Variants in ERI3 observed in about 807,000 individuals in gnomAD.
The protein encoded by ERI3 is ERI1 exoribonuclease 3.
A neutral mutation model predicts 44.4 loss-of-function variants in ERI3; 18 were observed. The ratio of observed to expected loss-of-function variants is 0.41; its 90% CI spans 0.28 to 0.60. The LOEUF (loss-of-function observed/expected upper bound fraction) is 0.60. Among genes scored for constraint, ERI3 ranks in the 20% least tolerant of loss-of-function variants. The pLI, the probability that ERI3 is intolerant of heterozygous loss-of-function variation, is 0.36. For synonymous variants in ERI3, 183 were observed against 164.8 expected (o/e 1.11, Z -0.84); for missense variants, 294 against 435.5 (o/e 0.68, Z 2.89).
At chr1:44,312,903 G>A (rs950730613) in intron 5 of ERI3, among the ~76,000 whole-genome samples, 4 of 152,234 alleles carry the variant, frequency 2.6e-5, no homozygotes, top group Admixed American at 2.6e-4. Context: ...GCCAGCATAG[G>A]GCCATAGGCC....
At chr1:44,247,874 G>T in intron 8 of ERI3, 65 bp downstream of exon 8, 1 of 1,330,924 alleles carries the variant, frequency 7.5e-7, no homozygotes, top group Non-Finnish European at 1.1e-6. Flanking sequence ...ATGTGCCTGG[G>T]GACTGGGGCA....
At chr1:44,300,590 G>C (rs1557832008) in intron 6 of ERI3, among the ~76,000 whole-genome samples, 2 of 152,194 alleles carry the variant, frequency 1.3e-5, no homozygotes, top group African/African-American at 4.8e-5. Flanking sequence ...AGTGTGAAGG[G>C]AGCCAAGGTT....
chr1:44,292,368 G>T (rs1221107537), intron 6 of ERI3, among the ~76,000 whole-genome samples: 2 of 152,162 alleles, frequency 1.3e-5, no homozygotes, highest in African/African-American at 2.4e-5. Flanking sequence ...CAAGACCCCA[G>T]GCCAGACACA....
intron 8 of ERI3, among the ~76,000 whole-genome samples, chr1:44,232,140 G>A (rs1046393658): frequency 1.3e-5 from 2 of 152,124 alleles, no homozygotes; most frequent in Non-Finnish European, 2.9e-5. Context: ...TTAAAATTGG[G>A]GTTTATTTTT....
rs201922019 is a variant in ERI3, at chr1:44,352,894, G to A, written c.167C>T (p.Ser56Leu). The change falls in exon 2 of 9, where the codon TCA becomes TTA. Residue 56 changes from serine (S) to leucine (L), a missense_variant. Ser to Leu is a moderately radical substitution (Grantham distance 145, BLOSUM62 -2). Around this residue, in one of 2 missense-constraint regions of ERI3, gnomAD observed 107 missense variants for 96.9 expected, o/e 1.10. Transcript: ENST00000372257. ...GCCAAGACCGGCAGCTGGGGATGCTGAAGGTTCTGTGAGAGCTGGAAAGCC... is the reference window on the plus strand; with the variant it reads ...GCCAAGACCGGCAGCTGGGGATGCTAAAGGTTCTGTGAGAGCTGGAAAGCC... ...HWGFPALTEP[S>L]ASPAAGLGIF... 6.8e-6 allele frequency: 11 copies of A among 1,614,166 alleles called. No individual in the cohort carries two copies. Among genetic ancestry groups the A allele is most frequent in the Non-Finnish European group, 9.3e-6 (11 of 1,180,030 alleles).
chr1:44,326,996 C>T (rs2154329978), intron 3 of ERI3, among the ~76,000 whole-genome samples: 1 of 152,318 alleles, frequency 6.6e-6, no homozygotes, highest in Admixed American at 6.5e-5. Flanking sequence ...CTGTGTCTCC[C>T]TCTGTATGTA....
chr1:44,318,466 A>T (rs1557847518), intron 4 of ERI3, among the ~76,000 whole-genome samples: 1 of 152,226 alleles, frequency 6.6e-6, no homozygotes, highest in Non-Finnish European at 1.5e-5. Flanking sequence ...GAAAGGGGAA[A>T]CCCCGGCAGA....
intron 8 of ERI3, among the ~76,000 whole-genome samples, chr1:44,226,010 GA>G (rs1251094501): frequency 1.3e-5 from 2 of 152,132 alleles, no homozygotes; most frequent in African/African-American, 4.8e-5. Flanking sequence ...AGTGCTATGA[GA>G]AAAGGACGCA....
chr1:44,313,753 C>A (rs1054394091), intron 4 of ERI3, among the ~76,000 whole-genome samples: 1 of 152,114 alleles, frequency 6.6e-6, no homozygotes, highest in Non-Finnish European at 1.5e-5. Context: ...CCTTCCCTAA[C>A]ATCCATGAAG....
At chr1:44,222,475 A>G (rs1230530831) in intron 8 of ERI3, among the ~76,000 whole-genome samples, 1 of 152,160 alleles carries the variant, frequency 6.6e-6, no homozygotes, top group Non-Finnish European at 1.5e-5. Context: ...ATCAGACTCT[A>G]TCACAAACAG....
At chr1:44,321,815 C>G (rs1646210227) in intron 3 of ERI3, among the ~76,000 whole-genome samples, 1 of 152,176 alleles carries the variant, frequency 6.6e-6, no homozygotes, top group Non-Finnish European at 1.5e-5. Flanking sequence ...CTGTACTTTT[C>G]ATTTAAACTT....
intron 6 of ERI3, among the ~76,000 whole-genome samples, chr1:44,291,091 C>G (rs1645497672): frequency 6.6e-6 from 1 of 152,188 alleles, no homozygotes; most frequent in Non-Finnish European, 1.5e-5. Context: ...ACCACTGCAA[C>G]AGCGTAGCAA....
intron 8 of ERI3, among the ~76,000 whole-genome samples, chr1:44,232,445 A>C (rs531543150): frequency 2.0e-5 from 3 of 152,352 alleles, no homozygotes; most frequent in East Asian, 3.9e-4. Flanking sequence ...GAAGAAATAT[A>C]GCTTTACTAA....
chr1:44,320,555 C>T (rs963449854), intron 3 of ERI3, among the ~76,000 whole-genome samples: 4 of 152,098 alleles, frequency 2.6e-5, no homozygotes, highest in African/African-American at 9.7e-5. Context: ...AGGAACGCAC[C>T]AGAGTGGGGA....
intron 2 of ERI3, among the ~76,000 whole-genome samples, chr1:44,342,857 ATTTTTTTTTTTTTTTT>A (rs141853065): frequency 1.4e-3 from 27 of 19,172 alleles, no homozygotes; most frequent in African/African-American, 4.8e-3. Context: ...ATATATATAT[ATTTTTTTTTTTTTTTT>A]TTTTTTTTTT....
At chr1:44,306,696 T>G (rs1169873981) in intron 6 of ERI3, among the ~76,000 whole-genome samples, 1 of 152,182 alleles carries the variant, frequency 6.6e-6, no homozygotes, top group Admixed American at 6.5e-5. Context: ...TATGTACGCA[T>G]CGTGCACAGT....
chr1:44,338,975 A>G lies in ERI3; in HGVS notation c.489+70T>C, dbSNP rs1646591196. The G allele has an allele frequency of 2.6e-6, 4 of 1,554,464 alleles. No homozygotes were observed. In the South Asian group the frequency reaches 3.6e-5, roughly 14 times the overall value. On this transcript the variant is annotated intron_variant, in intron 3 of 8. Transcript: ENST00000372257. ...GCATGAGAAAGCTCCTTTGTGTCCC[A>G]GGAAGCAAAACTATCCTCCCTCCCT...
Position 44,284,316 on chromosome 1 carries a change from T to G in ERI3, c.831+519A>C, listed in dbSNP as rs2154323344. Among the ~76,000 whole-genome samples, 2 of 152,302 alleles carry G rather than the reference T, an allele frequency of 1.3e-5. 1 individual carries two copies. Among genetic ancestry groups the G allele is most frequent in the Middle Eastern group, 6.8e-3 (2 of 294 alleles). ...CCCTCATGCCCAAAGGGAATTGGACTCTAGTTTCCATGGCTCTTCCTCACA... is the reference window on the plus strand; with the variant it reads ...CCCTCATGCCCAAAGGGAATTGGACGCTAGTTTCCATGGCTCTTCCTCACA... On this transcript the variant is annotated intron_variant, in intron 7 of 8. Transcript: ENST00000372257.
chr1:44,267,440 T>A (rs999499015), intron 7 of ERI3, among the ~76,000 whole-genome samples: 39 of 152,124 alleles, frequency 2.6e-4, no homozygotes, highest in African/African-American at 9.2e-4. Flanking sequence ...AGAGCTTCCC[T>A]CAAGCCATAA....
Sources: gnomAD v4.1 joint callset for allele counts (sites outside exome capture counted in the v4.1 genomes callset) on GRCh38, gnomAD v4.1.1 for gene constraint, gnomAD v4.1.1 regional missense constraint, MANE v1.5 for transcripts, NCBI Gene and HGNC (gene_info 2026-07-23, HGNC 2026-07-21) for gene names.